The following NBAS variants were observed in gnomAD, a reference collection of about 807,000 sequenced individuals.
NBAS encodes the protein NAG/BC035112 fusion.
NBAS carries 219 observed loss-of-function variants against 302.5 expected under a neutral mutation model. The ratio of observed to expected loss-of-function variants is 0.72; its 90% CI spans 0.65 to 0.81. NBAS has a LOEUF of 0.81. Ranked by LOEUF, NBAS falls within the 30% of genes least tolerant of loss-of-function variation. The pLI, the probability that NBAS is intolerant of heterozygous loss-of-function variation, is 0.00. For missense variants in NBAS, 2,932 were observed against 2,841.6 expected (o/e 1.03, Z -0.72); for synonymous variants, 1,118 against 1,021.6 (o/e 1.09, Z -1.80).
At chr2:15,428,236 T>C (rs1001626623) in intron 21 of NBAS, among the ~76,000 whole-genome samples, 1 of 152,202 alleles carries the variant, frequency 6.6e-6, no homozygotes, top group Non-Finnish European at 1.5e-5. Context: ...GCTATGTAAA[T>C]GCTCACTGGT....
intron 48 of NBAS, among the ~76,000 whole-genome samples, chr2:15,217,385 T>C (rs1038346987): frequency 2.6e-5 from 4 of 152,222 alleles, no homozygotes; most frequent in Admixed American, 2.6e-4. Flanking sequence ...CAGAGGGAAA[T>C]AAGACTGTAT....
chr2:15,549,780 C>T (rs1664291215), intron 6 of NBAS, among the ~76,000 whole-genome samples: 1 of 151,800 alleles, frequency 6.6e-6, no homozygotes, highest in African/African-American at 2.4e-5. Context: ...AACAGGCTCC[C>T]AGGGCTTGGT....
rs553886062 is a variant in NBAS, at chr2:15,462,524, T to C, written c.2098-733A>G. On this transcript the variant is annotated intron_variant, in intron 19 of 51. Coordinates refer to ENST00000281513, the MANE Select transcript of NBAS (RefSeq NM_015909.4). ...AGATTCCTAGCACACTGCCTGTCAG[T>C]ATTCTTCTGACTGTATTTATAAATA... is the stretch of plus-strand genomic sequence containing the variant. Among the ~76,000 whole-genome samples the C allele has an allele frequency of 5.3e-5, 8 of 152,264 alleles. No individual in the cohort carries two copies. The South Asian group carries it at 1.5e-3, about 28-fold the overall frequency.
At chr2:14,923,672 T>A in the NBAS span, among the ~76,000 whole-genome samples, 1 of 152,168 alleles carries the variant, frequency 6.6e-6, no homozygotes, top group South Asian at 2.1e-4. Context: ...ACTCACAGTA[T>A]GAAAGAGATG....
the NBAS span, among the ~76,000 whole-genome samples, chr2:14,971,191 T>C: frequency 9.2e-5 from 14 of 152,282 alleles, no homozygotes; most frequent in East Asian, 2.7e-3. Flanking sequence ...TTTTAAGCTA[T>C]CACCAAATTA....
the NBAS span, among the ~76,000 whole-genome samples, chr2:14,843,703 C>T: frequency 1.3e-5 from 2 of 152,080 alleles, no homozygotes; most frequent in Non-Finnish European, 2.9e-5. Context: ...ACTGATGTCA[C>T]ACCTCCCTCA....
chr2:15,512,464 A>G (rs77842622), intron 9 of NBAS, among the ~76,000 whole-genome samples: 4 of 152,180 alleles, frequency 2.6e-5, no homozygotes, highest in African/African-American at 9.7e-5. Context: ...TAATCGCTGC[A>G]GTCTGTGAGT....
the NBAS span, among the ~76,000 whole-genome samples, chr2:15,010,315 G>T: frequency 1.9e-4 from 29 of 152,194 alleles, no homozygotes; most frequent in African/African-American, 6.0e-4. Flanking sequence ...AAATTAATAT[G>T]AAGAATAAAA....
chr2:14,896,222 G>C, the NBAS span, among the ~76,000 whole-genome samples: 2 of 151,882 alleles, frequency 1.3e-5, no homozygotes, highest in Admixed American at 6.6e-5. Flanking sequence ...AAGCAGGAAA[G>C]GCAGTAGAGC....
chr2:15,241,741 G>A lies in NBAS; in HGVS notation c.5725-3055C>T, dbSNP rs536990550. Among the ~76,000 whole-genome samples the A allele has an allele frequency of 5.3e-5, 8 of 152,192 alleles. No homozygotes were observed. In the East Asian group the frequency reaches 1.2e-3, roughly 22 times the overall value. On this transcript the variant is annotated intron_variant, in intron 44 of 51. Coordinates refer to ENST00000281513, the MANE Select transcript of NBAS (RefSeq NM_015909.4). ...TAAAATACATGTGCCATCCTCTCCC[G>A]TTGGTTTGTCATCTTCCTAATAAAT...
chr2:15,285,227 A>G (rs1171769109), intron 42 of NBAS, among the ~76,000 whole-genome samples: 1 of 152,238 alleles, frequency 6.6e-6, no homozygotes, highest in African/African-American at 2.4e-5. Context: ...AAAATTTCTA[A>G]GTGATTAATA....
chr2:15,452,928 C>T (rs532166211), intron 21 of NBAS, among the ~76,000 whole-genome samples: 3 of 152,300 alleles, frequency 2.0e-5, no homozygotes, highest in Middle Eastern at 3.4e-3. Context: ...ACTATATTCA[C>T]AGCACTTTAT....
chr2:14,841,587 AG>A, the NBAS span, among the ~76,000 whole-genome samples: 1 of 151,850 alleles, frequency 6.6e-6, no homozygotes, highest in African/African-American at 2.4e-5. Context: ...TATATAAAAA[AG>A]GTCATTATAT....
intron 11 of NBAS, among the ~76,000 whole-genome samples, chr2:15,503,107 T>C (rs1661657697): frequency 6.6e-6 from 1 of 152,208 alleles, no homozygotes; most frequent in African/African-American, 2.4e-5. Context: ...GTCTTCTACC[T>C]CCACATCTTA....
At chr2:14,984,031 A>T in the NBAS span, among the ~76,000 whole-genome samples, 48 of 152,190 alleles carry the variant, frequency 3.2e-4, no homozygotes, top group African/African-American at 1.1e-3. Context: ...GAATCCCATT[A>T]AAAAATGCAA....
chr2:15,005,830 C>T, the NBAS span, among the ~76,000 whole-genome samples: 2 of 151,982 alleles, frequency 1.3e-5, no homozygotes, highest in African/African-American at 2.4e-5. Context: ...ACCATATTGC[C>T]GTAGTTTTCA....
chr2:15,296,279 C>A (rs1037545167), intron 40 of NBAS, among the ~76,000 whole-genome samples: 2 of 152,144 alleles, frequency 1.3e-5, no homozygotes, highest in African/African-American at 4.8e-5. Context: ...TGGCTCACAC[C>A]TGTAAACCCA....
chr2:14,857,239 C>T, the NBAS span, among the ~76,000 whole-genome samples: 1 of 152,042 alleles, frequency 6.6e-6, no homozygotes, highest in East Asian at 1.9e-4. Context: ...GTTAAAATGT[C>T]CATACTATCC....
intron 35 of NBAS, among the ~76,000 whole-genome samples, chr2:15,349,001 G>C (rs1384676799): frequency 6.6e-6 from 1 of 152,158 alleles, no homozygotes; most frequent in African/African-American, 2.4e-5. Flanking sequence ...AAGAGCACAA[G>C]ACAAGCACAA....
Sources: gnomAD v4.1 joint callset for allele counts (sites outside exome capture counted in the v4.1 genomes callset) on GRCh38, gnomAD v4.1.1 for gene constraint, MANE v1.5 for transcripts, NCBI Gene and HGNC (gene_info 2026-07-23, HGNC 2026-07-21) for gene names.